The following ALS2 variants were observed in gnomAD, a reference collection of about 807,000 sequenced individuals.
The protein encoded by ALS2 is alsin.
A neutral mutation model predicts 203.4 loss-of-function variants in ALS2; 117 were observed. That is an observed-to-expected ratio of 0.58 (90% CI 0.50 to 0.67). ALS2 has a LOEUF of 0.67. Among genes scored for constraint, ALS2 ranks in the 30% least tolerant of loss-of-function variants. The pLI, the probability that ALS2 is intolerant of heterozygous loss-of-function variation, is 0.00. For synonymous variants in ALS2, 718 were observed against 725.9 expected, an observed-to-expected ratio of 0.99 and a Z score of 0.17; for missense variants, 1,715 against 1,989.4, an observed-to-expected ratio of 0.86 and a Z score of 2.62.
At chr2:201,712,093 T>G (rs1690067588) in intron 25 of ALS2, among the ~76,000 whole-genome samples, 1 of 152,178 alleles carries the variant, frequency 6.6e-6, no homozygotes. Context: ...AAAAAAAAAT[T>G]ACTTCTTTCT....
rs756346474 is a variant in ALS2, at chr2:201,728,500, A to T, written c.2841+12T>A. ...TTTCAGGAATTCTTTTAAGGTTAGG[A>T]ATCCAGCCTACCTGGGCATGGACCA... On this transcript the variant is annotated intron_variant, in intron 15 of 33. Coordinates refer to ENST00000264276, the MANE Select transcript of ALS2 (RefSeq NM_020919.4). 6 of 1,613,944 alleles carry T rather than the reference A, an allele frequency of 3.7e-6. No homozygotes were observed. Among genetic ancestry groups the T allele is most frequent in the Non-Finnish European group, 8.5e-7 (1 of 1,180,012 alleles).
chr2:201,762,705 G>C (rs1202473035), intron 3 of ALS2: 1 of 152,232 alleles, frequency 6.6e-6, no homozygotes, highest in African/African-American at 2.4e-5. Context: ...TGTTTAAAAA[G>C]CAAATCAGCT....
intron 5 of ALS2, among the ~76,000 whole-genome samples, chr2:201,756,639 C>T (rs950569109): frequency 6.6e-6 from 1 of 152,218 alleles, no homozygotes; most frequent in Non-Finnish European, 1.5e-5. Context: ...ATAACCACAG[C>T]GTAGCTGAGT....
rs538897622 is a variant in ALS2, at chr2:201,735,697, T to C, written c.2418-2259A>G. Among the ~76,000 whole-genome samples, 4 of 152,304 alleles carry C rather than the reference T, an allele frequency of 2.6e-5. No homozygotes were observed. In the South Asian group the frequency reaches 8.3e-4, roughly 32 times the overall value. On this transcript the variant is annotated intron_variant, in intron 12 of 33. Transcript: ENST00000264276. ...AAAGGCAAGAGGCTTTCAACTTATG[T>C]CATCTCATTTTTCTGCTCTAACAAG... is the stretch of plus-strand genomic sequence containing the variant.
intron 8 of ALS2, among the ~76,000 whole-genome samples, chr2:201,747,975 T>G (rs901610332): frequency 6.6e-6 from 1 of 152,212 alleles, no homozygotes; most frequent in African/African-American, 2.4e-5. Flanking sequence ...AGATTTCATT[T>G]GGAGAAAGTG....
chr2:201,772,274 C>T (rs1272861422), intron 1 of ALS2, among the ~76,000 whole-genome samples: 2 of 102,198 alleles, frequency 2.0e-5, no homozygotes, highest in Non-Finnish European at 4.7e-5. Flanking sequence ...TCTGGAAGTG[C>T]CCTTAACAAC....
At chr2:201,741,648 AACATG>A (rs1435228075) in intron 11 of ALS2, 21 bp downstream of exon 11, 3 of 1,610,948 alleles carry the variant, frequency 1.9e-6, no homozygotes, top group Non-Finnish European at 1.7e-6. Context: ...GCAGAGATTG[AACATG>A]ACACGGGACT....
chr2:201,775,124 A>G (rs1475041175), intron 1 of ALS2, among the ~76,000 whole-genome samples: 2 of 152,248 alleles, frequency 1.3e-5, no homozygotes, highest in African/African-American at 4.8e-5. Context: ...ATGACAAGAC[A>G]TTCAGATAGA....
intron 12 of ALS2, among the ~76,000 whole-genome samples, chr2:201,736,156 CAAT>C (rs1188400271): frequency 6.6e-6 from 1 of 151,956 alleles, no homozygotes; most frequent in East Asian, 1.9e-4. Flanking sequence ...CAACAACAAA[CAAT>C]AAGTCCATCC....
chr2:201,709,850 G>GC, intron 27 of ALS2, 31 bp downstream of exon 27: 1 of 1,613,258 alleles, frequency 6.2e-7, no homozygotes, highest in Admixed American at 1.7e-5. Flanking sequence ...GTATTCCATA[G>GC]CCCGCAGACT....
chr2:201,750,368 C>T (rs1390309211), intron 7 of ALS2, among the ~76,000 whole-genome samples: 1 of 151,976 alleles, frequency 6.6e-6, no homozygotes, highest in Non-Finnish European at 1.5e-5. Flanking sequence ...GTTAATTTAC[C>T]CATGGTCACA....
intron 1 of ALS2, among the ~76,000 whole-genome samples, chr2:201,779,546 TAAGAA>T (rs1238746884): frequency 6.6e-6 from 1 of 152,218 alleles, no homozygotes; most frequent in Non-Finnish European, 1.5e-5. Flanking sequence ...CCCCATCACT[TAAGAA>T]AAGAGTCAGT....
chr2:201,768,946 C>T lies in ALS2; in HGVS notation c.-60-1G>A, dbSNP rs1694240399. ...TTCTTTACAGAAAGTCTATCAAGAC[C>T]TAAACAGTACAAGTAAGGAAAAGAG... On this transcript the variant is annotated splice_acceptor_variant, in intron 1 of 33. Coordinates refer to ENST00000264276, the MANE Select transcript of ALS2 (RefSeq NM_020919.4). LOFTEE classifies it low-confidence loss of function (5UTR_SPLICE). The T allele has an allele frequency of 6.6e-7, 1 of 1,512,082 alleles. No individual in the cohort carries two copies. The highest frequency in any genetic ancestry group is 9.2e-7 in the Non-Finnish European group (1 of 1,089,886). 93.7% of individuals were successfully genotyped at this position (1,512,082 alleles called of 1,614,324 possible). A position where few individuals can be genotyped will look rare whatever the true frequency, so the allele number is the denominator to read the frequency against.
At chr2:201,704,702 C>A in intron 31 of ALS2, 99 bp from the exon 32 acceptor site, 1 of 1,366,016 alleles carries the variant, frequency 7.3e-7, no homozygotes, top group South Asian at 1.2e-5. Context: ...GATTCACATG[C>A]CTTAACCCGG....
Position 201,760,343 on chromosome 2 carries a change from C to T in ALS2, c.1113+538G>A, listed in dbSNP as rs865875260. The T allele has an allele frequency of 1.6e-5, 16 of 985,206 alleles. No homozygotes were observed. In the Middle Eastern group the frequency reaches 1.5e-3, roughly 95 times the overall value. 61.0% of individuals were successfully genotyped at this position (985,206 alleles called of 1,614,324 possible). A position where few individuals can be genotyped will look rare whatever the true frequency, so the allele number is the denominator to read the frequency against. On this transcript the variant is annotated intron_variant, in intron 4 of 33. Coordinates refer to ENST00000264276, the MANE Select transcript of ALS2 (RefSeq NM_020919.4). ...AACAAACAAAAAGATAAAATATTAG[C>T]CACCTCTTCAAATTAAGCCCAGTAA...
At position 201,757,619 on chromosome 2, in the gene ALS2, C is replaced by A; in HGVS notation, c.1254G>T (p.Leu418=). 6.2e-7 allele frequency: 1 copy of A among 1,614,172 alleles called. No homozygotes were observed. Among genetic ancestry groups the A allele is most frequent in the South Asian group, 1.1e-5 (1 of 91,082 alleles). The change falls in exon 5 of 34, where the codon CTG becomes CTT. Residue 418 remains leucine (L), a synonymous_variant. Coordinates refer to ENST00000264276, the MANE Select transcript of ALS2 (RefSeq NM_020919.4). The part of the protein sequence containing the change: ...AATYEAGALS[L]KKVMNFYSTT... ...TACTATAAAAGTTCATAACTTTCTTCAGTGACAAGGCACCAGCTTCATAAG... is the reference window on the plus strand; with the variant it reads ...TACTATAAAAGTTCATAACTTTCTTAAGTGACAAGGCACCAGCTTCATAAG...
chr2:201,720,505 C>T (rs111634288), intron 23 of ALS2, among the ~76,000 whole-genome samples: 11,230 of 133,296 alleles, frequency 0.084, 528 homozygotes, highest in East Asian at 0.25. Flanking sequence ...GAGTTTGAGA[C>T]CAGCTTGGGC....
intron 26 of ALS2, 111 bp downstream of exon 26, chr2:201,710,880 G>C: frequency 1.4e-6 from 1 of 740,360 alleles, no homozygotes. Flanking sequence ...AAATGCACAG[G>C]ATGCAAAAAC....
intron 28 of ALS2, among the ~76,000 whole-genome samples, chr2:201,707,379 A>AC (rs1226039937): frequency 1.3e-5 from 2 of 151,942 alleles, no homozygotes; most frequent in Non-Finnish European, 2.9e-5. Flanking sequence ...GGGTATGGCT[A>AC]ATAGTACTTG....
Sources: gnomAD v4.1 joint callset for allele counts (sites outside exome capture counted in the v4.1 genomes callset) on GRCh38, gnomAD v4.1.1 for gene constraint, MANE v1.5 for transcripts, NCBI Gene and HGNC (gene_info 2026-07-23, HGNC 2026-07-21) for gene names.